Variants in TMEM132B observed in about 807,000 individuals in gnomAD.
TMEM132B encodes transmembrane protein 132B.
In TMEM132B, 18 loss-of-function variants were observed where a neutral mutation model predicts 90.8. The ratio of observed to expected loss-of-function variants is 0.20; its 90% CI spans 0.14 to 0.29. The LOEUF (loss-of-function observed/expected upper bound fraction) is 0.29, where lower values mean the gene tolerates loss of function less well. Ranked by LOEUF, TMEM132B falls within the 10% of genes least tolerant of loss-of-function variation. The pLI is 1.00. For missense variants in TMEM132B, 1,096 were observed against 1,326.8 expected (o/e 0.83, Z 2.70); for synonymous variants, 504 against 523.3 (o/e 0.96, Z 0.50).
At chr12:125,593,631 T>C (rs549847619) in intron 5 of TMEM132B, among the ~76,000 whole-genome samples, 1 of 152,292 alleles carries the variant, frequency 6.6e-6, no homozygotes, top group Admixed American at 6.5e-5. Flanking sequence ...GACATACTTA[T>C]TTTGTGTTAA....
At chr12:125,601,892 A>ACC (rs1430866325) in intron 5 of TMEM132B, among the ~76,000 whole-genome samples, 1 of 152,188 alleles carries the variant, frequency 6.6e-6, no homozygotes, top group Non-Finnish European at 1.5e-5. Flanking sequence ...GGACACATAC[A>ACC]CCCTCCCAAG....
At chr12:125,389,113 G>A (rs1460837339) in intron 2 of TMEM132B, among the ~76,000 whole-genome samples, 2 of 151,918 alleles carry the variant, frequency 1.3e-5, no homozygotes, top group East Asian at 3.9e-4. Context: ...ATACAGCTAT[G>A]AGCAAGACAG....
chr12:125,516,071 ACACT>A lies in TMEM132B; in HGVS notation c.1107-3366_1107-3363del, dbSNP rs1342375770. 2.6e-5 allele frequency among the ~76,000 whole-genome samples: 4 copies of A among 151,842 alleles called. No individual in the cohort carries two copies. The East Asian group carries it at 5.8e-4, about 22-fold the overall frequency. On this transcript the variant is annotated intron_variant, in intron 3 of 8. Transcript: ENST00000682704. ...CGCATTCTCTCACATATACTCACAC[ACACT>A]CTCACGCTATCTCACACACACTAAC...
In TMEM132B at chr12:125,490,219, T is replaced by C. The variant is rs138579695; in HGVS notation, c.1107-29220T>C. On this transcript the variant is annotated intron_variant, in intron 3 of 8. Transcript: ENST00000682704. The surrounding 1 kb of genome is among the most constrained non-coding windows in gnomAD (Gnocchi z 4.2). ...TTGAATACTTTACATATATTACTAATTAAATTCTCATATAACTTGGCAATG... is the reference window on the plus strand; with the variant it reads ...TTGAATACTTTACATATATTACTAACTAAATTCTCATATAACTTGGCAATG... 0.013 allele frequency among the ~76,000 whole-genome samples: 1,953 copies of C among 152,272 alleles called. 23 individuals carry two copies. Among genetic ancestry groups the C allele is most frequent in the Non-Finnish European group, 0.022 (1,513 of 68,010 alleles).
chr12:125,507,110 T>G (rs1375589909), intron 3 of TMEM132B, among the ~76,000 whole-genome samples: 1 of 152,194 alleles, frequency 6.6e-6, no homozygotes, highest in Non-Finnish European at 1.5e-5. Flanking sequence ...GTGGTGCCTG[T>G]CTAGACCTAG....
intron 2 of TMEM132B, among the ~76,000 whole-genome samples, chr12:125,366,047 C>G (rs1299776057): frequency 1.3e-5 from 2 of 152,058 alleles, no homozygotes; most frequent in Non-Finnish European, 2.9e-5. Flanking sequence ...TGGGAACCTT[C>G]ATTCTACTCT....
intron 5 of TMEM132B, among the ~76,000 whole-genome samples, chr12:125,613,137 ATATAT>A (rs1315516275): frequency 3.5e-5 from 4 of 113,420 alleles, no homozygotes; most frequent in Admixed American, 1.2e-4. Context: ...TTTATATATT[ATATAT>A]AAATATATAT....
In TMEM132B at chr12:125,289,704, T is replaced by C. The variant is rs1482354152; in HGVS notation, c.68-59748T>C. Among the ~76,000 whole-genome samples, 4 of 152,222 alleles carry C rather than the reference T, an allele frequency of 2.6e-5. No individual in the cohort carries two copies. In the East Asian group the frequency reaches 5.8e-4, roughly 22 times the overall value. ...AGTAGATACTTTCATCAGCCACACT[T>C]TGCAGACAGAGTCTGAGGCACAGAG... On this transcript the variant is annotated intron_variant, in intron 1 of 8. Transcript: ENST00000682704.
chr12:125,225,152 T>C (rs1214769193), intron 1 of TMEM132B, among the ~76,000 whole-genome samples: 2 of 152,120 alleles, frequency 1.3e-5, no homozygotes, highest in Non-Finnish European at 2.9e-5. Context: ...ATCAATCAGC[T>C]GAGGATGAAC....
chr12:125,192,215 G>C (rs745339365), intron 1 of TMEM132B, among the ~76,000 whole-genome samples: 71 of 152,250 alleles, frequency 4.7e-4, no homozygotes, highest in Non-Finnish European at 9.3e-4. Context: ...TTACAGATAC[G>C]CAAACTGAGG....
At chr12:125,457,497 G>A (rs1346057362) in intron 3 of TMEM132B, among the ~76,000 whole-genome samples, 5 of 152,186 alleles carry the variant, frequency 3.3e-5, no homozygotes, top group African/African-American at 1.2e-4. Flanking sequence ...TGAGCGTTGA[G>A]TTTGGATGGG....
chr12:125,370,221 A>G (rs147072325), intron 2 of TMEM132B, among the ~76,000 whole-genome samples: 6 of 152,332 alleles, frequency 3.9e-5, no homozygotes, highest in African/African-American at 1.4e-4. Flanking sequence ...AAGGAAAGGC[A>G]GGAATGTCCA....
chr12:125,382,919 T>A (rs1331676847), intron 2 of TMEM132B, among the ~76,000 whole-genome samples: 1 of 152,166 alleles, frequency 6.6e-6, no homozygotes, highest in Non-Finnish European at 1.5e-5. Context: ...ATAGGAGACA[T>A]AGACAGGTAA....
intron 4 of TMEM132B, among the ~76,000 whole-genome samples, chr12:125,568,313 A>AT (rs2136820612): frequency 6.6e-6 from 1 of 152,324 alleles, no homozygotes; most frequent in East Asian, 1.9e-4. Flanking sequence ...GTTTTGATAC[A>AT]GGCATGCAAT....
chr12:125,369,905 C>T (rs967779336), intron 2 of TMEM132B, among the ~76,000 whole-genome samples: 4 of 151,970 alleles, frequency 2.6e-5, no homozygotes, highest in South Asian at 2.1e-4. Flanking sequence ...AAAAATCAGC[C>T]GGGTGTGGTG....
At chr12:125,648,301 CATT>C (rs1219768345) in intron 6 of TMEM132B, among the ~76,000 whole-genome samples, 1 of 151,996 alleles carries the variant, frequency 6.6e-6, no homozygotes, top group Non-Finnish European at 1.5e-5. Flanking sequence ...TCCAGTCTAT[CATT>C]GTTGGACATT....
chr12:125,360,326 T>C (rs1167436785), intron 2 of TMEM132B, among the ~76,000 whole-genome samples: 1 of 152,208 alleles, frequency 6.6e-6, no homozygotes, highest in Non-Finnish European at 1.5e-5. Context: ...ATATAAGTTA[T>C]AAAGTAAAAC....
intron 4 of TMEM132B, among the ~76,000 whole-genome samples, chr12:125,573,175 GGTGTTATATCTAAGCCCTCTCA>G (rs1226800353): frequency 6.6e-6 from 1 of 152,040 alleles, no homozygotes; most frequent in Non-Finnish European, 1.5e-5. Flanking sequence ...TTGCTAAAGG[GGTGTTATATCTAAGCCCTCTCA>G]GTGAACAGAA....
At chr12:125,518,189 C>G (rs1592969833) in intron 3 of TMEM132B, among the ~76,000 whole-genome samples, 1 of 152,130 alleles carries the variant, frequency 6.6e-6, no homozygotes, top group Non-Finnish European at 1.5e-5. Flanking sequence ...CCTCTGATAC[C>G]TCTTGGCATA....
Sources: gnomAD v4.1 joint callset for allele counts (sites outside exome capture counted in the v4.1 genomes callset) on GRCh38, gnomAD v4.1.1 for gene constraint, Gnocchi (gnomAD v3.1) non-coding constraint, MANE v1.5 for transcripts, NCBI Gene and HGNC (gene_info 2026-07-23, HGNC 2026-07-21) for gene names.